DLGAP2: variants seen among roughly 807,000 people sequenced by gnomAD.
DLGAP2 encodes DLG associated protein 2.
DLGAP2 carries 26 observed loss-of-function variants against 100.3 expected under a neutral mutation model. The ratio of observed to expected loss-of-function variants is 0.26; its 90% CI spans 0.19 to 0.36. The LOEUF is 0.36. DLGAP2 is among the 10% of genes least tolerant of loss of function. The pLI, the probability that DLGAP2 is intolerant of heterozygous loss-of-function variation, is 1.00. For synonymous variants in DLGAP2, 886 were observed against 630.1 expected (o/e 1.41, Z -6.08); for missense variants, 1,858 against 1,453.2 (o/e 1.28, Z -4.53).
intron 3 of DLGAP2, among the ~76,000 whole-genome samples, chr8:1,473,836 C>G (rs1033290003): frequency 4.6e-5 from 7 of 152,174 alleles, no homozygotes; most frequent in African/African-American, 1.7e-4. Flanking sequence ...TCCATTGTCT[C>G]TTGTCTGCCA....
At chr8:1,474,690 A>C (rs1798885162) in intron 3 of DLGAP2, among the ~76,000 whole-genome samples, 1 of 152,206 alleles carries the variant, frequency 6.6e-6, no homozygotes, top group African/African-American at 2.4e-5. Context: ...ATCTCACATC[A>C]GTCAAAAATG....
chr8:1,328,865 G>C (rs756371644), intron 3 of DLGAP2, among the ~76,000 whole-genome samples: 1 of 152,184 alleles, frequency 6.6e-6, no homozygotes, highest in African/African-American at 2.4e-5. Flanking sequence ...TACACACTTC[G>C]GTGGTTTGCT....
intron 3 of DLGAP2, among the ~76,000 whole-genome samples, chr8:1,289,560 A>G (rs1437240515): frequency 2.0e-5 from 3 of 152,220 alleles, no homozygotes; most frequent in African/African-American, 7.2e-5. Context: ...TGTGGATGCC[A>G]GCAGCTTTGC....
intron 3 of DLGAP2, among the ~76,000 whole-genome samples, chr8:1,316,503 A>G (rs1800753787): frequency 7.7e-6 from 1 of 129,120 alleles, no homozygotes; most frequent in South Asian, 2.7e-4. Context: ...CGTCTCTCCA[A>G]CAGTGGTCTA....
At chr8:1,571,656 G>C (rs1802692128) in intron 6 of DLGAP2, among the ~76,000 whole-genome samples, 1 of 138,074 alleles carries the variant, frequency 7.2e-6, no homozygotes, top group Non-Finnish European at 1.6e-5. Context: ...TGATGAGATG[G>C]AGAGAGAGAA....
At chr8:953,414 G>A (rs1382432977) in intron 2 of DLGAP2, among the ~76,000 whole-genome samples, 1 of 152,160 alleles carries the variant, frequency 6.6e-6, no homozygotes, top group African/African-American at 2.4e-5. Context: ...GGCTGGTCTT[G>A]AACTCCTGAC....
intron 2 of DLGAP2, among the ~76,000 whole-genome samples, chr8:1,004,123 A>T (rs1414449398): frequency 6.6e-6 from 1 of 152,156 alleles, no homozygotes; most frequent in Non-Finnish European, 1.5e-5. Flanking sequence ...CAAAAATTTA[A>T]TTTCCTAAAG....
At chr8:1,358,377 C>G (rs1202603833) in intron 3 of DLGAP2, among the ~76,000 whole-genome samples, 1 of 152,110 alleles carries the variant, frequency 6.6e-6, no homozygotes, top group Non-Finnish European at 1.5e-5. Flanking sequence ...CTCAAGAGAT[C>G]TGGTGTGGGA....
chr8:843,666 C>T (rs1423149306), intron 1 of DLGAP2, among the ~76,000 whole-genome samples: 7 of 152,186 alleles, frequency 4.6e-5, no homozygotes, highest in Non-Finnish European at 1.0e-4. Context: ...TTGGGTTTTG[C>T]TATCTTGTTG....
At chr8:854,985 A>G (rs1202047138) in intron 1 of DLGAP2, among the ~76,000 whole-genome samples, 1 of 152,224 alleles carries the variant, frequency 6.6e-6, no homozygotes, top group Non-Finnish European at 1.5e-5. Flanking sequence ...TTAAAAAAGA[A>G]AGAGGTCAAA....
chr8:1,091,295 C>T (rs193072856), intron 2 of DLGAP2, among the ~76,000 whole-genome samples: 9 of 152,318 alleles, frequency 5.9e-5, no homozygotes, highest in Non-Finnish European at 1.3e-4. Context: ...TTAAATCTGC[C>T]GGCACCTTGT....
At chr8:1,562,649 G>T (rs566516670) in intron 5 of DLGAP2, among the ~76,000 whole-genome samples, 1 of 33,712 alleles carries the variant, frequency 3.0e-5, no homozygotes, top group Non-Finnish European at 5.2e-5. Context: ...GCGCCTCGTT[G>T]CTGGGGGACT....
At chr8:1,027,746 CGCCCGTT>C (rs1801849358) in intron 2 of DLGAP2, among the ~76,000 whole-genome samples, 1 of 112,778 alleles carries the variant, frequency 8.9e-6, no homozygotes, top group African/African-American at 3.6e-5. Flanking sequence ...GGGTGTCAGG[CGCCCGTT>C]ATTCTCCAGG....
intron 2 of DLGAP2, among the ~76,000 whole-genome samples, chr8:1,254,100 C>A (rs890170623): frequency 1.3e-5 from 2 of 152,206 alleles, no homozygotes; most frequent in Admixed American, 6.5e-5. Context: ...CAGCCATGGC[C>A]AGGGGGGCCA....
intron 6 of DLGAP2, among the ~76,000 whole-genome samples, chr8:1,583,023 C>T (rs1795994774): frequency 6.6e-6 from 1 of 152,190 alleles, no homozygotes; most frequent in African/African-American, 2.4e-5. Flanking sequence ...CTGACCCATT[C>T]AGCATCTGAA....
At chr8:1,315,999 G>T (rs1226555746) in intron 3 of DLGAP2, among the ~76,000 whole-genome samples, 1 of 135,880 alleles carries the variant, frequency 7.4e-6, no homozygotes, top group Non-Finnish European at 1.6e-5. Flanking sequence ...CTGTGCGAGT[G>T]CAGCGTCTCT....
At chr8:1,172,346 C>G (rs1335920820) in intron 2 of DLGAP2, among the ~76,000 whole-genome samples, 1 of 151,866 alleles carries the variant, frequency 6.6e-6, no homozygotes, top group Non-Finnish European at 1.5e-5. Flanking sequence ...TTTGGTGAAT[C>G]TGACCATTAT....
At chr8:1,537,127 C>T (rs1801180146) in intron 4 of DLGAP2, among the ~76,000 whole-genome samples, 1 of 151,972 alleles carries the variant, frequency 6.6e-6, no homozygotes, top group African/African-American at 2.4e-5. Context: ...GTGGTAGACC[C>T]CTGCAGCTCT....
intron 2 of DLGAP2, among the ~76,000 whole-genome samples, chr8:1,087,690 C>A (rs1176286783): frequency 6.6e-6 from 1 of 152,158 alleles, no homozygotes; most frequent in African/African-American, 2.4e-5. Flanking sequence ...AGTCTTGATG[C>A]ATCTCCAAAT....
Sources: gnomAD v4.1 joint callset for allele counts (sites outside exome capture counted in the v4.1 genomes callset) on GRCh38, gnomAD v4.1.1 for gene constraint, MANE v1.5 for transcripts, NCBI Gene and HGNC (gene_info 2026-07-23, HGNC 2026-07-21) for gene names.